The following SH3KBP1 variants were observed in gnomAD, a reference collection of about 807,000 sequenced individuals.
SH3KBP1 encodes the protein SH3 domain-containing kinase-binding protein 1.
A neutral mutation model predicts 50.1 loss-of-function variants in SH3KBP1; 8 were observed. That is an observed-to-expected ratio of 0.16 (90% CI 0.09 to 0.29). SH3KBP1 has a LOEUF of 0.29. Ranked by LOEUF, SH3KBP1 falls within the 10% of genes least tolerant of loss-of-function variation. The probability of loss-of-function intolerance (pLI) is 1.00; values close to 1 mark genes in which losing one functional copy is unlikely to be tolerated. For synonymous variants in SH3KBP1, 227 were observed against 218.6 expected (o/e 1.04, Z -0.34); for missense variants, 377 against 535.2 (o/e 0.70, Z 2.92).
intron 1 of SH3KBP1, among the ~76,000 whole-genome samples, chrX:19,871,855 C>T (rs891654289): frequency 2.7e-5 from 3 of 111,054 alleles, no homozygotes; most frequent in East Asian, 2.8e-4. Context: ...GACTTGGACC[C>T]CTATCTCAGC....
intron 3 of SH3KBP1, among the ~76,000 whole-genome samples, chrX:19,732,809 C>T (rs1320288303): frequency 9.0e-6 from 1 of 111,561 alleles, no homozygotes; most frequent in African/African-American, 3.3e-5. Flanking sequence ...TCCACAAGGG[C>T]TATTGTAAAG....
At chrX:19,772,408 G>A (rs770179116) in intron 2 of SH3KBP1, among the ~76,000 whole-genome samples, 66 of 111,190 alleles carry the variant, frequency 5.9e-4, no homozygotes, top group Non-Finnish European at 9.8e-4. Context: ...AGAAATGGAA[G>A]GAGGGAGGTC....
At chrX:19,660,718 A>G (rs1307713246) in intron 6 of SH3KBP1, among the ~76,000 whole-genome samples, 1 of 112,049 alleles carries the variant, frequency 8.9e-6, no homozygotes, top group Non-Finnish European at 1.9e-5. Context: ...TGTGTCTGGG[A>G]AAAATGGGCT....
At chrX:19,853,822 C>T (rs1009101144) in intron 1 of SH3KBP1, among the ~76,000 whole-genome samples, 3 of 109,965 alleles carry the variant, frequency 2.7e-5, no homozygotes, top group African/African-American at 9.9e-5. Context: ...ATTAGCCGGG[C>T]GTGGTGGTGG....
chrX:19,638,973 T>G (rs1198119891), intron 7 of SH3KBP1, among the ~76,000 whole-genome samples: 1 of 111,730 alleles, frequency 9.0e-6, no homozygotes, highest in Non-Finnish European at 1.9e-5. Flanking sequence ...ATTCTACTTA[T>G]TAGAACTTGG....
intron 2 of SH3KBP1, among the ~76,000 whole-genome samples, chrX:19,748,042 C>A (rs900686): frequency 0.17 from 19,180 of 111,716 alleles, 1,385 homozygotes; most frequent in African/African-American, 0.25. Flanking sequence ...CCAGCCTGCT[C>A]TGGCTCTGAA....
intron 4 of SH3KBP1, among the ~76,000 whole-genome samples, chrX:19,698,559 C>A (rs759057414): frequency 8.9e-6 from 1 of 111,804 alleles, no homozygotes; most frequent in African/African-American, 3.3e-5. Flanking sequence ...CACTGCTCAT[C>A]GCCTGGGGAC....
chrX:19,712,835 T>C (rs2063811352), intron 3 of SH3KBP1, among the ~76,000 whole-genome samples: 1 of 111,761 alleles, frequency 8.9e-6, no homozygotes, highest in African/African-American at 3.3e-5. Flanking sequence ...AGAATACTTC[T>C]ATAACATCAC....
chrX:19,724,585 C>A (rs2064165478), intron 3 of SH3KBP1, among the ~76,000 whole-genome samples: 1 of 112,261 alleles, frequency 8.9e-6, no homozygotes, highest in Non-Finnish European at 1.9e-5. Flanking sequence ...GTGAAAACAA[C>A]CATAGACCAC....
At chrX:19,775,370 T>C (rs1011374938) in intron 2 of SH3KBP1, among the ~76,000 whole-genome samples, 2 of 112,087 alleles carry the variant, frequency 1.8e-5, no homozygotes, top group African/African-American at 6.5e-5. Flanking sequence ...TGGGCTTGGT[T>C]TGCTTTCAAT....
In SH3KBP1 at chrX:19,670,551, A is replaced by T. The variant is rs758105427; in HGVS notation, c.726+13272T>A. The T allele has an allele frequency of 2.8e-4, 47 of 169,358 alleles. No homozygotes were observed. The South Asian group carries it at 0.011, about 39-fold the overall frequency. The allele number at this position is 169,358 out of a possible 1,213,427, so 14.0% of individuals were successfully genotyped here. A position where few individuals can be genotyped will look rare whatever the true frequency, so the allele number is the denominator to read the frequency against. On this transcript the variant is annotated intron_variant, in intron 6 of 17. Coordinates refer to ENST00000397821, the MANE Select transcript of SH3KBP1 (RefSeq NM_031892.3). Reference sequence around the variant, plus strand: ...CTCTCTGCAATATGAGCACATGAAAACCCAAGACACAGAGAGATTGGAAAC... The same window carrying T: ...CTCTCTGCAATATGAGCACATGAAATCCCAAGACACAGAGAGATTGGAAAC...
At chrX:19,772,520 C>G (rs1603227957) in intron 2 of SH3KBP1, among the ~76,000 whole-genome samples, 1 of 110,539 alleles carries the variant, frequency 9.0e-6, no homozygotes, top group East Asian at 2.8e-4. Context: ...CTAATAAGGG[C>G]GATTTCCTCA....
At position 19,729,014 on chromosome X, in the gene SH3KBP1, C is replaced by G. The variant is rs188679521; in HGVS notation, c.286+17304G>C. ...AGAATTATTCAGATGAAGATAATTCCAGTGAGGGTGTCTGAATCATCCTGG... is the reference window on the plus strand; with the variant it reads ...AGAATTATTCAGATGAAGATAATTCGAGTGAGGGTGTCTGAATCATCCTGG... On this transcript the variant is annotated intron_variant, in intron 3 of 17. Coordinates refer to ENST00000397821, the MANE Select transcript of SH3KBP1 (RefSeq NM_031892.3). 2.5e-3 allele frequency among the ~76,000 whole-genome samples: 280 copies of G among 112,503 alleles called. 1 individual carries two copies. The highest frequency in any genetic ancestry group is 3.8e-3 in the Non-Finnish European group (203 of 53,303).
intron 16 of SH3KBP1, 63 bp downstream of exon 16, chrX:19,541,862 C>G (rs1297092811): frequency 1.2e-5 from 14 of 1,140,252 alleles, no homozygotes; most frequent in South Asian, 8.2e-5. Context: ...GCTTTCAGAA[C>G]TAGGTGCTGG....
intron 1 of SH3KBP1, among the ~76,000 whole-genome samples, chrX:19,836,725 C>T (rs930752365): frequency 1.8e-5 from 2 of 111,647 alleles, no homozygotes; most frequent in African/African-American, 6.5e-5. Flanking sequence ...GCTAATAATC[C>T]CCATCTGATA....
intron 6 of SH3KBP1, among the ~76,000 whole-genome samples, chrX:19,673,225 C>T (rs1158917669): frequency 9.0e-6 from 1 of 111,372 alleles, no homozygotes; most frequent in Admixed American, 9.6e-5. Flanking sequence ...GATTAAAAAA[C>T]TAATTAGAAA....
At chrX:19,734,756 G>A (rs920187755) in intron 3 of SH3KBP1, among the ~76,000 whole-genome samples, 10 of 111,843 alleles carry the variant, frequency 8.9e-5, no homozygotes, top group African/African-American at 2.9e-4. Flanking sequence ...TATTCCGCAC[G>A]TTCATATCAA....
intron 13 of SH3KBP1, among the ~76,000 whole-genome samples, chrX:19,556,226 A>C (rs1466680968): frequency 9.0e-6 from 1 of 111,224 alleles, no homozygotes; most frequent in Non-Finnish European, 1.9e-5. Flanking sequence ...ATACACCATT[A>C]ACGGAGCTGT....
intron 6 of SH3KBP1, chrX:19,670,992 G>A: frequency 6.5e-6 from 7 of 1,077,242 alleles, no homozygotes; most frequent in African/African-American, 1.9e-5. Flanking sequence ...TCATACTTGG[G>A]ACCAAATGAG....
Sources: gnomAD v4.1 joint callset for allele counts (sites outside exome capture counted in the v4.1 genomes callset) on GRCh38, gnomAD v4.1.1 for gene constraint, MANE v1.5 for transcripts, NCBI Gene and HGNC (gene_info 2026-07-23, HGNC 2026-07-21) for gene names.